MCPH1: variants seen among roughly 807,000 people sequenced by gnomAD.
The protein encoded by MCPH1 is microcephalin.
A neutral mutation model predicts 84.5 loss-of-function variants in MCPH1; 104 were observed. The ratio of observed to expected loss-of-function variants is 1.23; its 90% confidence interval spans 1.05 to 1.45. The LOEUF is 1.45. Among genes scored for constraint, MCPH1 ranks in the 40% most tolerant of loss-of-function variants. The pLI is 0.00. For missense variants in MCPH1, 1,498 were observed against 1,005.7 expected (o/e 1.49, Z -6.62); for synonymous variants, 514 against 366.8 (o/e 1.40, Z -4.58).
At chr8:6,532,166 A>G (rs1293967539) in intron 12 of MCPH1, among the ~76,000 whole-genome samples, 1 of 152,216 alleles carries the variant, frequency 6.6e-6, no homozygotes, top group Non-Finnish European at 1.5e-5. Context: ...ACTGATTTTT[A>G]ATTCATAAGC....
At position 6,621,443 on chromosome 8, in the gene MCPH1, C is replaced by A; in HGVS notation, c.2215-11C>A. The A allele has an allele frequency of 6.2e-7, 1 of 1,613,786 alleles. No homozygotes were observed. The highest frequency in any genetic ancestry group is 1.3e-5 in the African/African-American group (1 of 75,052). On this transcript the variant is annotated splice_polypyrimidine_tract_variant and intron_variant, in intron 12 of 13. Coordinates refer to ENST00000344683, the MANE Select transcript of MCPH1 (RefSeq NM_024596.5). Reference sequence around the variant, plus strand: ...CCCACCTCTGTAATTCTATCTCTGTCTGCCCCACAGCTGTGCCGAAGCGAG... The same window carrying A: ...CCCACCTCTGTAATTCTATCTCTGTATGCCCCACAGCTGTGCCGAAGCGAG...
chr8:6,480,122 T>G (rs887601701), intron 10 of MCPH1, among the ~76,000 whole-genome samples: 5 of 150,720 alleles, frequency 3.3e-5, no homozygotes, highest in Admixed American at 1.3e-4. Context: ...TCTTTTTTCT[T>G]TTTTTCTTTT....
At chr8:6,630,758 G>A (rs111691209) in intron 13 of MCPH1, among the ~76,000 whole-genome samples, 2,062 of 143,868 alleles carry the variant, frequency 0.014, 63 homozygotes, top group African/African-American at 0.051. Context: ...TCCAGCCTGG[G>A]CAACTAGAGC....
intron 12 of MCPH1, among the ~76,000 whole-genome samples, chr8:6,571,294 G>A (rs1177183046): frequency 6.6e-6 from 1 of 152,138 alleles, no homozygotes; most frequent in Non-Finnish European, 1.5e-5. Flanking sequence ...TGATGTCAGT[G>A]TTTACTAACA....
chr8:6,474,171 C>G (rs1808133047), intron 9 of MCPH1: 3 of 740,092 alleles, frequency 4.1e-6, no homozygotes, highest in Non-Finnish European at 7.5e-6. Flanking sequence ...TTATCTAACT[C>G]ATCAGCTACT....
intron 12 of MCPH1, among the ~76,000 whole-genome samples, chr8:6,527,937 C>T (rs1818675282): frequency 6.7e-6 from 1 of 148,480 alleles, no homozygotes; most frequent in Admixed American, 6.8e-5. Flanking sequence ...GCTCCATTGC[C>T]CGGGGTGGAG....
intron 12 of MCPH1, among the ~76,000 whole-genome samples, chr8:6,607,870 G>A (rs1361466416): frequency 6.6e-6 from 1 of 152,208 alleles, no homozygotes; most frequent in Non-Finnish European, 1.5e-5. Flanking sequence ...CCAGTCTTGG[G>A]TATGTCTATA....
intron 9 of MCPH1, among the ~76,000 whole-genome samples, chr8:6,463,438 G>A (rs183626150): frequency 6.6e-6 from 1 of 152,334 alleles, no homozygotes; most frequent in East Asian, 1.9e-4. Flanking sequence ...CATATGGAAA[G>A]CTGAAAAGAA....
chr8:6,529,878 A>G (rs1302465391), intron 12 of MCPH1, among the ~76,000 whole-genome samples: 1 of 114,096 alleles, frequency 8.8e-6, no homozygotes, highest in Non-Finnish European at 2.1e-5. Flanking sequence ...GTTTCACAAT[A>G]GGCGTTTTTT....
chr8:6,480,119 T>C (rs1040300155), intron 10 of MCPH1, among the ~76,000 whole-genome samples: 6 of 150,742 alleles, frequency 4.0e-5, no homozygotes, highest in Admixed American at 3.3e-4. Context: ...TTTTCTTTTT[T>C]CTTTTTTTCT....
rs1411191785 is a variant in MCPH1, at chr8:6,503,018, C to G, written c.2214+3089C>G. ...ACGCCCTCTGTGGTGGAAGAGGACACAGTGCGCAGCCGTGACTTTCAGTGC... is the reference window on the plus strand; with the variant it reads ...ACGCCCTCTGTGGTGGAAGAGGACAGAGTGCGCAGCCGTGACTTTCAGTGC... On this transcript the variant is annotated intron_variant, in intron 12 of 13. Coordinates refer to ENST00000344683, the MANE Select transcript of MCPH1 (RefSeq NM_024596.5). The G allele has an allele frequency of 2.0e-6, 3 of 1,518,346 alleles. No homozygotes were observed. The South Asian group carries it at 3.7e-5, about 19-fold the overall frequency. 94.1% of individuals were successfully genotyped at this position (1,518,346 alleles called of 1,614,324 possible). A position where few individuals can be genotyped will look rare whatever the true frequency, so the allele number is the denominator to read the frequency against.
chr8:6,450,393 T>G (rs1375793327), intron 8 of MCPH1, among the ~76,000 whole-genome samples: 2 of 151,660 alleles, frequency 1.3e-5, no homozygotes, highest in African/African-American at 4.9e-5. Flanking sequence ...TATGGGCAAG[T>G]TTCTGCAAAC....
intron 6 of MCPH1, 131 bp downstream of exon 6, chr8:6,439,227 G>C: frequency 1.1e-6 from 1 of 946,218 alleles, no homozygotes; most frequent in Non-Finnish European, 1.6e-6. Context: ...TTTCATGGCT[G>C]GCTTTGTTTT....
At chr8:6,542,474 C>G (rs1821786205) in intron 12 of MCPH1, among the ~76,000 whole-genome samples, 2 of 151,998 alleles carry the variant, frequency 1.3e-5, no homozygotes, top group African/African-American at 4.8e-5. Flanking sequence ...CGGAGTGTCA[C>G]TGTAAGAGGG....
rs140843845 is a variant in MCPH1 at position 6,497,375 on chromosome 8, C to T, written c.2137-2477C>T. The stretch of plus-strand genomic sequence containing the variant: ...AAAATTAACCAGGCATTGTGATGTG[C>T]GCCTGTAGTCTCAGCTACACAGGAG... On this transcript the variant is annotated intron_variant, in intron 11 of 13. Coordinates refer to ENST00000344683, the MANE Select transcript of MCPH1 (RefSeq NM_024596.5). Among the ~76,000 whole-genome samples, 378 of 151,988 alleles carry T rather than the reference C, an allele frequency of 2.5e-3. 2 individuals carry two copies. Among genetic ancestry groups the T allele is most frequent in the African/African-American group, 9.0e-3 (372 of 41,460 alleles).
At chr8:6,494,665 A>C (rs149689510) in intron 11 of MCPH1, 32 of 152,370 alleles carry the variant, frequency 2.1e-4, no homozygotes, top group African/African-American at 7.5e-4. Flanking sequence ...ATGTTGTATA[A>C]TTCCTTTCAG....
intron 12 of MCPH1, among the ~76,000 whole-genome samples, chr8:6,576,362 A>G (rs1827097680): frequency 1.3e-5 from 2 of 152,026 alleles, no homozygotes; most frequent in South Asian, 2.1e-4. Flanking sequence ...GCACTTATCC[A>G]TATGTCTGTA....
intron 11 of MCPH1, among the ~76,000 whole-genome samples, chr8:6,495,326 A>C (rs1811109400): frequency 6.6e-6 from 1 of 152,206 alleles, no homozygotes; most frequent in East Asian, 1.9e-4. Flanking sequence ...CAGAAACACT[A>C]ACCTGCCCCT....
chr8:6,515,017 G>C (rs1287699023), intron 12 of MCPH1, among the ~76,000 whole-genome samples: 1 of 152,156 alleles, frequency 6.6e-6, no homozygotes, highest in African/African-American at 2.4e-5. Flanking sequence ...GTGTTGATGA[G>C]AATATGACTC....
Sources: gnomAD v4.1 joint callset for allele counts (sites outside exome capture counted in the v4.1 genomes callset) on GRCh38, gnomAD v4.1.1 for gene constraint, MANE v1.5 for transcripts, NCBI Gene and HGNC (gene_info 2026-07-23, HGNC 2026-07-21) for gene names.